PDZD2: variants seen among roughly 807,000 people sequenced by gnomAD.
PDZD2 encodes the protein PDZ domain-containing protein 2.
A neutral mutation model predicts 220.7 loss-of-function variants in PDZD2; 90 were observed. The observed-to-expected ratio is 0.41, with a 90% CI of 0.34 to 0.49. The LOEUF (loss-of-function observed/expected upper bound fraction) is 0.49. Among genes scored for constraint, PDZD2 ranks in the 20% least tolerant of loss-of-function variants. The pLI is 0.28. For missense variants in PDZD2, 3,174 were observed against 3,608.5 expected, an observed-to-expected ratio of 0.88 and a Z score of 3.08; for synonymous variants, 1,375 against 1,450.5, an observed-to-expected ratio of 0.95 and a Z score of 1.18.
intron 2 of PDZD2, chr5:31,822,639 C>A: frequency 7.5e-7 from 1 of 1,329,656 alleles, no homozygotes. Flanking sequence ...TTGTTTTTAA[C>A]CTTGTGGCTT....
At position 32,087,323 on chromosome 5, in the gene PDZD2, C is replaced by T. The variant is rs147025594; in HGVS notation, c.3875C>T (p.Pro1292Leu). The T allele has an allele frequency of 7.7e-5, 125 of 1,614,082 alleles. No individual in the cohort carries two copies. In the African/African-American group the frequency reaches 1.2e-3, roughly 16 times the overall value. Reference protein sequence around the residue: ...VRLPHEGSPSPGEKAAAPPDY... With the variant: ...VRLPHEGSPSLGEKAAAPPDY... ...CTCCCCCATGAGGGCAGCCCCTCCCCGGGGGAGAAAGCAGCGGCTCCCCCT... is the reference window on the plus strand; with the variant it reads ...CTCCCCCATGAGGGCAGCCCCTCCCTGGGGGAGAAAGCAGCGGCTCCCCCT... Residue 1292 changes from proline to leucine, a missense_variant, in exon 20 of 25, where the codon CCG becomes CTG. Pro to Leu is a moderately conservative substitution (Grantham distance 98, BLOSUM62 -3). Transcript: ENST00000438447. The surrounding 1 kb of genome is among the most constrained non-coding windows in gnomAD (Gnocchi z 4.0).
intron 1 of PDZD2, among the ~76,000 whole-genome samples, chr5:31,775,664 C>CGTGTGTGTGTGTGT (rs370394146): frequency 3.8e-4 from 51 of 135,472 alleles, no homozygotes; most frequent in Non-Finnish European, 4.7e-4. Context: ...ACTCACAGAG[C>CGTGTGTGTGTGTGT]GTGTGTGTGT....
At position 32,088,659 on chromosome 5, in the gene PDZD2, C is replaced by T; in HGVS notation, c.5211C>T (p.Asp1737=). 6.2e-7 allele frequency: 1 copy of T among 1,613,820 alleles called. No homozygotes were observed. The highest frequency in any genetic ancestry group is 8.5e-7 in the Non-Finnish European group (1 of 1,179,742). ...ACATGGTAAATGGCTTGGAACATGACCTGCTAGATGACGAAACCCTGAATC... is the reference window on the plus strand; with the variant it reads ...ACATGGTAAATGGCTTGGAACATGATCTGCTAGATGACGAAACCCTGAATC... ...SPNMVNGLEH[D]LLDDETLNQY... The change falls in exon 20 of 25, where the codon GAC becomes GAT. Residue 1737 remains aspartate, a synonymous_variant. Transcript: ENST00000438447. The surrounding 1 kb of genome is among the most constrained non-coding windows in gnomAD (Gnocchi z 4.6).
intron 14 of PDZD2, among the ~76,000 whole-genome samples, chr5:32,065,541 T>C (rs368691249): frequency 7.9e-5 from 12 of 152,344 alleles, no homozygotes; most frequent in African/African-American, 2.6e-4. Flanking sequence ...TTGTGGTCCT[T>C]GTCCTCCCCA....
chr5:31,836,418 G>A (rs75997500), intron 2 of PDZD2, among the ~76,000 whole-genome samples: 3,025 of 151,902 alleles, frequency 0.02, 114 homozygotes, highest in African/African-American at 0.069. Flanking sequence ...TGTAAAGACG[G>A]GGTTTTGCTG....
intron 2 of PDZD2, among the ~76,000 whole-genome samples, chr5:31,806,165 T>C (rs146462987): frequency 1.3e-5 from 2 of 152,328 alleles, no homozygotes; most frequent in East Asian, 1.9e-4. Flanking sequence ...CTGGACACTT[T>C]AGAGCACTGT....
Position 31,944,743 on chromosome 5 carries a change from G to A in PDZD2, c.477-38412G>A, listed in dbSNP as rs199507740. Among the ~76,000 whole-genome samples, 49 of 152,336 alleles carry A rather than the reference G, an allele frequency of 3.2e-4. No homozygotes were observed. In the East Asian group the frequency reaches 8.9e-3, roughly 28 times the overall value. On this transcript the variant is annotated intron_variant, in intron 2 of 24. Coordinates refer to ENST00000438447, the MANE Select transcript of PDZD2 (RefSeq NM_178140.4). ...GAGGGTGGGGTGGCAGCGTGTGCAC[G>A]TGTGTCCCCAGGTGACTCTCTCATG...
At chr5:31,953,649 T>C (rs1747375772) in intron 2 of PDZD2, among the ~76,000 whole-genome samples, 1 of 1,570 alleles carries the variant, frequency 6.4e-4, no homozygotes, top group African/African-American at 9.2e-4. Context: ...ACCCTGTCTC[T>C]TAAAAAAAAA....
chr5:31,668,420 A>G (rs568342826), intron 1 of PDZD2, among the ~76,000 whole-genome samples: 2 of 152,358 alleles, frequency 1.3e-5, no homozygotes, highest in East Asian at 3.9e-4. Flanking sequence ...AGAGAACTTC[A>G]GGTCTCATTG....
intron 2 of PDZD2, among the ~76,000 whole-genome samples, chr5:31,841,769 G>A (rs11952267): frequency 0.042 from 6,400 of 151,684 alleles, 442 homozygotes; most frequent in African/African-American, 0.15. Context: ...TCAGGAGTTC[G>A]AGACCAGCCT....
chr5:31,710,825 A>G (rs576667483), intron 1 of PDZD2, among the ~76,000 whole-genome samples: 62 of 152,232 alleles, frequency 4.1e-4, no homozygotes, highest in African/African-American at 1.5e-3. Flanking sequence ...TTGAAAAAAA[A>G]AAAAAAAAGA....
chr5:31,892,746 G>A (rs1313689246), intron 2 of PDZD2, among the ~76,000 whole-genome samples: 2 of 149,542 alleles, frequency 1.3e-5, no homozygotes, highest in African/African-American at 4.9e-5. Context: ...TTTTTGTATT[G>A]TGGGTGGGCG....
chr5:32,064,099 T>C (rs1739959958), intron 14 of PDZD2, among the ~76,000 whole-genome samples: 1 of 152,224 alleles, frequency 6.6e-6, no homozygotes, highest in African/African-American at 2.4e-5. Context: ...GTTATTTGGT[T>C]ATATCTCTTC....
chr5:31,771,183 A>G (rs1397992801), intron 1 of PDZD2, among the ~76,000 whole-genome samples: 1 of 152,218 alleles, frequency 6.6e-6, no homozygotes, highest in East Asian at 1.9e-4. Flanking sequence ...CTATTTGACA[A>G]AACAGGAAAT....
At chr5:31,936,249 A>T in intron 2 of PDZD2, 1 of 987,690 alleles carries the variant, frequency 1.0e-6, no homozygotes, top group Non-Finnish European at 1.2e-6. Context: ...ACCTGAATGG[A>T]GAAGGGAAGT....
intron 2 of PDZD2, among the ~76,000 whole-genome samples, chr5:31,873,930 G>C (rs777763588): frequency 5.9e-4 from 89 of 151,624 alleles, no homozygotes; most frequent in Non-Finnish European, 9.9e-4. Flanking sequence ...GGGTTTCTCT[G>C]TGTTGGTCAG....
intron 2 of PDZD2, among the ~76,000 whole-genome samples, chr5:31,810,396 G>GA (rs1755028514): frequency 1.3e-5 from 1 of 76,936 alleles, no homozygotes; most frequent in Non-Finnish European, 3.0e-5. Flanking sequence ...CCGAGTAGCT[G>GA]GGACTACAGG....
At chr5:31,729,288 G>C (rs1410089747) in intron 1 of PDZD2, among the ~76,000 whole-genome samples, 1 of 151,664 alleles carries the variant, frequency 6.6e-6, no homozygotes, top group Non-Finnish European at 1.5e-5. Context: ...GTAGCGACGG[G>C]GTTTCACCAT....
intron 1 of PDZD2, chr5:31,725,643 CT>C: frequency 8.8e-7 from 1 of 1,138,698 alleles, no homozygotes; most frequent in Non-Finnish European, 1.3e-6. Flanking sequence ...TCCTTGATTC[CT>C]TTTCATATCT....
Sources: allele counts gnomAD v4.1 joint callset (sites outside exome capture counted in the v4.1 genomes callset), GRCh38; gene constraint gnomAD v4.1.1; non-coding constraint Gnocchi (gnomAD v3.1); transcripts MANE v1.5; gene names NCBI Gene and HGNC (gene_info 2026-07-23, HGNC 2026-07-21).